Variants in WFDC3 observed in about 807,000 individuals in gnomAD.
WFDC3 encodes WAP four-disulfide core domain protein 3.
A neutral mutation model predicts 25.8 loss-of-function variants in WFDC3; 15 were observed. That is an observed-to-expected ratio of 0.58 (90% confidence interval 0.39 to 0.89). The LOEUF is 0.89. Ranked by LOEUF, WFDC3 falls within the 40% of genes least tolerant of loss-of-function variation. The pLI, the probability that WFDC3 is intolerant of heterozygous loss-of-function variation, is 0.00. For missense variants in WFDC3, 264 were observed against 289.8 expected (o/e 0.91, Z 0.65); for synonymous variants, 103 against 107.1 (o/e 0.96, Z 0.24).
chr20:45,785,343 G>A (rs956540198), intron 4 of WFDC3, among the ~76,000 whole-genome samples: 4 of 151,680 alleles, frequency 2.6e-5, no homozygotes, highest in Middle Eastern at 3.2e-3. Flanking sequence ...GGTGGCACAC[G>A]CCTGCAATCC....
In WFDC3 at chr20:45,784,571, G is replaced by A. The variant is rs139923438; in HGVS notation, c.358+3265C>T. Among the ~76,000 whole-genome samples the A allele has an allele frequency of 5.2e-3, 794 of 152,232 alleles. 5 individuals are homozygous for A. The highest frequency in any genetic ancestry group is 8.1e-3 in the East Asian group (42 of 5,184). On this transcript the variant is annotated intron_variant, in intron 4 of 6. Transcript: ENST00000243938. Reference sequence around the variant, plus strand: ...AGCCTGACCAACATGCTGAAAAGCCGTCTCTACTAAATACAAAAAATTAGC... The same window carrying A: ...AGCCTGACCAACATGCTGAAAAGCCATCTCTACTAAATACAAAAAATTAGC...
chr20:45,791,641 G>A (rs6032541), intron 1 of WFDC3, among the ~76,000 whole-genome samples, 191 bp downstream of exon 1: 87,749 of 151,964 alleles, frequency 0.58, 26,378 homozygotes, highest in Admixed American at 0.68. Flanking sequence ...TGCAGGCGCC[G>A]CTGTACCAAA....
chr20:45,790,050 T>G (rs2145692359), intron 1 of WFDC3, 68 bp from the exon 2 acceptor site: 1 of 1,311,732 alleles, frequency 7.6e-7, no homozygotes, highest in Non-Finnish European at 1.1e-6. Flanking sequence ...TCAGCTGAGG[T>G]ATGAGCAGGA....
chr20:45,782,965 A>G (rs1205002746), intron 4 of WFDC3, among the ~76,000 whole-genome samples: 1 of 152,204 alleles, frequency 6.6e-6, no homozygotes, highest in Non-Finnish European at 1.5e-5. Context: ...CTCAAATGAA[A>G]GCAGCCTCCT....
intron 6 of WFDC3, among the ~76,000 whole-genome samples, chr20:45,774,733 G>A (rs1980053665): frequency 6.6e-6 from 1 of 152,148 alleles, no homozygotes; most frequent in African/African-American, 2.4e-5. Flanking sequence ...CCTGAGATCA[G>A]GAGCTCGAGA....
At chr20:45,787,296 T>G in intron 4 of WFDC3, among the ~76,000 whole-genome samples, 1 of 120,972 alleles carries the variant, frequency 8.3e-6, no homozygotes, top group Non-Finnish European at 1.8e-5. Flanking sequence ...TTTTTTTTTT[T>G]TTTTTTTTTT....
At chr20:45,790,208 C>A in intron 1 of WFDC3, 1 of 456,042 alleles carries the variant, frequency 2.2e-6, no homozygotes, top group Non-Finnish European at 4.0e-6. Context: ...ATGGGAGGAT[C>A]AAATTCTGTA....
intron 4 of WFDC3, among the ~76,000 whole-genome samples, chr20:45,786,913 C>T (rs550881028): frequency 2.0e-5 from 3 of 151,554 alleles, no homozygotes; most frequent in Admixed American, 6.6e-5. Flanking sequence ...GCTAACATGA[C>T]GAAAACCCGT....
chr20:45,781,277 AC>A (rs1175861653), intron 4 of WFDC3, among the ~76,000 whole-genome samples: 1 of 152,014 alleles, frequency 6.6e-6, no homozygotes, highest in Non-Finnish European at 1.5e-5. Flanking sequence ...ACACACACAC[AC>A]ATCATCATGA....
In WFDC3 at chr20:45,775,617, G is replaced by C; in HGVS notation, c.494-15C>G. 1.9e-6 allele frequency: 3 copies of C among 1,613,804 alleles called. No individual in the cohort carries two copies. Among genetic ancestry groups the C allele is most frequent in the South Asian group, 1.1e-5 (1 of 91,056 alleles). On this transcript the variant is annotated splice_polypyrimidine_tract_variant and intron_variant, in intron 5 of 6. Coordinates refer to ENST00000243938, the MANE Select transcript of WFDC3 (RefSeq NM_080614.2). ...ACCGCCCCGCCCTGTGGGAACAACAGGCACAGGAAAAGGGACAGGGCATCA... is the reference window on the plus strand; with the variant it reads ...ACCGCCCCGCCCTGTGGGAACAACACGCACAGGAAAAGGGACAGGGCATCA...
intron 1 of WFDC3, among the ~76,000 whole-genome samples, chr20:45,790,231 A>G (rs1048381216): frequency 1.3e-5 from 2 of 152,196 alleles, no homozygotes; most frequent in Non-Finnish European, 2.9e-5. Context: ...CAATATACAC[A>G]ATATTCCTGG....
At chr20:45,787,237 C>A (rs1601017346) in intron 4 of WFDC3, among the ~76,000 whole-genome samples, 1 of 141,386 alleles carries the variant, frequency 7.1e-6, no homozygotes. Flanking sequence ...GAGAATATTG[C>A]AACTGATTAT....
chr20:45,788,858 G>A (rs1427638696), intron 3 of WFDC3, 73 bp downstream of exon 3: 15 of 1,519,612 alleles, frequency 9.9e-6, no homozygotes, highest in Non-Finnish European at 1.3e-5. Flanking sequence ...AAGGTGGGAA[G>A]CTCTCTACTT....
intron 4 of WFDC3, among the ~76,000 whole-genome samples, chr20:45,782,447 G>A (rs191676853): frequency 9.2e-4 from 139 of 150,824 alleles, no homozygotes; most frequent in Non-Finnish European, 1.5e-3. Flanking sequence ...GTGCGATCTC[G>A]GCTCTCTGCA....
At chr20:45,791,057 C>T (rs1306370546) in intron 1 of WFDC3, 2 of 433,198 alleles carry the variant, frequency 4.6e-6, no homozygotes, top group African/African-American at 4.1e-5. Flanking sequence ...AAGGTAAAAC[C>T]TCCTTAATAG....
intron 4 of WFDC3, among the ~76,000 whole-genome samples, chr20:45,783,437 C>T (rs939580929): frequency 3.9e-5 from 6 of 151,972 alleles, no homozygotes; most frequent in African/African-American, 1.5e-4. Context: ...GAGATCACAC[C>T]ACTGCACTCC....
chr20:45,789,182 T>A (rs2145691401), intron 2 of WFDC3, 123 bp from the exon 3 acceptor site: 2 of 1,321,942 alleles, frequency 1.5e-6, no homozygotes, highest in African/African-American at 3.0e-5. Context: ...CTAGCCTGGG[T>A]GACAGAATGA....
intron 4 of WFDC3, among the ~76,000 whole-genome samples, chr20:45,783,632 G>T (rs1276253649): frequency 6.6e-6 from 1 of 151,952 alleles, no homozygotes; most frequent in Non-Finnish European, 1.5e-5. Context: ...GAAGAGCCAG[G>T]ATTCAGACCC....
intron 4 of WFDC3, chr20:45,778,850 T>C (rs1282978565): frequency 1.2e-5 from 1 of 80,164 alleles, no homozygotes; most frequent in Non-Finnish European, 2.9e-5. Context: ...AAAATGTAAA[T>C]GTAAAAAAAA....
Sources: gnomAD v4.1 joint callset for allele counts (sites outside exome capture counted in the v4.1 genomes callset) on GRCh38, gnomAD v4.1.1 for gene constraint, MANE v1.5 for transcripts, NCBI Gene and HGNC (gene_info 2026-07-23, HGNC 2026-07-21) for gene names.